Variants in XKR9 observed in about 807,000 individuals in gnomAD.
XKR9 encodes XK-related protein 9.
XKR9 carries 32 observed loss-of-function variants against 32.0 expected under a neutral mutation model. The observed-to-expected ratio is 1.00, with a 90% CI of 0.76 to 1.34. XKR9 has a LOEUF of 1.34. Among genes scored for constraint, XKR9 ranks in the 40% most tolerant of loss-of-function variants. The pLI is 0.00. For synonymous variants in XKR9, 168 were observed against 143.4 expected, an observed-to-expected ratio of 1.17 and a Z score of -1.22; for missense variants, 546 against 429.7, an observed-to-expected ratio of 1.27 and a Z score of -2.39.
chr8:70,745,421 C>A (rs1586880042), intron 2 of XKR9, among the ~76,000 whole-genome samples: 1 of 152,004 alleles, frequency 6.6e-6, no homozygotes, highest in Non-Finnish European at 1.5e-5. Context: ...TCATATGCAC[C>A]TATATACATT....
At position 70,734,223 on chromosome 8, in the gene XKR9, T is replaced by C. The variant is rs1410378748; in HGVS notation, c.921T>C (p.Val307=). 5 of 1,613,276 alleles carry C rather than the reference T, an allele frequency of 3.1e-6. No homozygotes were observed. The highest frequency in any genetic ancestry group is 4.2e-6 in the Non-Finnish European group (5 of 1,179,564). The change falls in exon 5 of 5, where the codon GTT becomes GTC. Residue 307 remains valine (V), a synonymous_variant. Coordinates refer to ENST00000408926, the MANE Select transcript of XKR9 (RefSeq NM_001011720.2). ...GTLGILTVFW[V]CPLTIFNPDY... ...TGGGGATATTGACTGTATTCTGGGT[T>C]TGCCCCCTCACTATTTTTAATCCAG...
At chr8:70,689,067 GA>G (rs1428468610) in intron 3 of XKR9, among the ~76,000 whole-genome samples, 3 of 151,802 alleles carry the variant, frequency 2.0e-5, no homozygotes, top group Non-Finnish European at 2.9e-5. Flanking sequence ...GCATAACAAA[GA>G]AAAACAACAT....
rs754900467 is a variant in XKR9 at position 70,733,971 on chromosome 8, A to G, written c.669A>G (p.Leu223=). 4 of 1,612,516 alleles carry G rather than the reference A, an allele frequency of 2.5e-6. No homozygotes were observed. The highest frequency in any genetic ancestry group is 3.4e-6 in the Non-Finnish European group (4 of 1,179,582). Residue 223 remains leucine (L), a synonymous_variant, in exon 5 of 5, where the codon CTA becomes CTG. Transcript: ENST00000408926. ...CGTGGATGCTGAGTGTTGTACTTCT[A>G]CTATTCTTAAATGTTAAGATTGCTT... The part of the protein sequence containing the change: ...LLSWMLSVVL[L]LFLNVKIALF...
chr8:70,961,852 T>C, the XKR9 span, among the ~76,000 whole-genome samples: 3 of 152,160 alleles, frequency 2.0e-5, no homozygotes, highest in East Asian at 5.8e-4. Flanking sequence ...TAAACTTTGG[T>C]GAACAGGCAA....
At chr8:70,900,889 A>G in the XKR9 span, among the ~76,000 whole-genome samples, 164 of 152,076 alleles carry the variant, frequency 1.1e-3, no homozygotes, top group African/African-American at 3.7e-3. Flanking sequence ...ATTCCCACCT[A>G]TGAGTGAGAA....
At chr8:70,879,012 C>T in the XKR9 span, among the ~76,000 whole-genome samples, 10 of 152,206 alleles carry the variant, frequency 6.6e-5, no homozygotes, top group East Asian at 3.9e-4. Context: ...CACTCAAAAC[C>T]GCATAACTAC....
the XKR9 span, among the ~76,000 whole-genome samples, chr8:70,814,342 A>G: frequency 6.6e-6 from 1 of 152,150 alleles, no homozygotes; most frequent in Non-Finnish European, 1.5e-5. Flanking sequence ...ACCTAATGCT[A>G]AATGATGAGT....
intron 2 of XKR9, among the ~76,000 whole-genome samples, chr8:70,752,486 T>C (rs1807156296): frequency 6.6e-6 from 1 of 152,116 alleles, no homozygotes; most frequent in Non-Finnish European, 1.5e-5. Flanking sequence ...AGAGGCAGCC[T>C]CACTTTACAG....
At chr8:71,008,957 C>T in the XKR9 span, among the ~76,000 whole-genome samples, 1 of 152,224 alleles carries the variant, frequency 6.6e-6, no homozygotes, top group Non-Finnish European at 1.5e-5. Context: ...GTGTGTGCCA[C>T]TGCACCAGGC....
chr8:70,838,877 T>C, the XKR9 span, among the ~76,000 whole-genome samples: 1 of 152,108 alleles, frequency 6.6e-6, no homozygotes, highest in Non-Finnish European at 1.5e-5. Context: ...TTATGAGACA[T>C]TTTCAAGTCC....
chr8:70,904,817 T>A, the XKR9 span, among the ~76,000 whole-genome samples: 1 of 152,192 alleles, frequency 6.6e-6, no homozygotes, highest in Non-Finnish European at 1.5e-5. Context: ...GCAGGCCTGG[T>A]GGTGACAAAA....
At chr8:70,823,629 C>T in the XKR9 span, among the ~76,000 whole-genome samples, 6 of 152,136 alleles carry the variant, frequency 3.9e-5, no homozygotes, top group Admixed American at 3.9e-4. Context: ...GCAGGAGATT[C>T]GAACTTTTGG....
At chr8:70,811,811 C>G in the XKR9 span, among the ~76,000 whole-genome samples, 1 of 151,852 alleles carries the variant, frequency 6.6e-6, no homozygotes, top group African/African-American at 2.4e-5. Flanking sequence ...AGCTTACCAA[C>G]CAAAAAGAGT....
chr8:70,953,589 G>A, the XKR9 span, among the ~76,000 whole-genome samples: 7 of 152,042 alleles, frequency 4.6e-5, no homozygotes, highest in East Asian at 1.9e-4. Context: ...TGGGATTATC[G>A]GTGTGAGCCA....
the XKR9 span, among the ~76,000 whole-genome samples, chr8:70,799,320 G>A: frequency 1.3e-5 from 2 of 151,972 alleles, no homozygotes; most frequent in Non-Finnish European, 2.9e-5. Flanking sequence ...TATTGTGAAT[G>A]AGATTGCATT....
chr8:70,832,692 C>T, the XKR9 span, among the ~76,000 whole-genome samples: 3 of 152,012 alleles, frequency 2.0e-5, no homozygotes, highest in Admixed American at 2.0e-4. Context: ...TCAAAACAAC[C>T]CTGCCAGTAA....
chr8:70,978,686 C>G, the XKR9 span, among the ~76,000 whole-genome samples: 2 of 152,126 alleles, frequency 1.3e-5, no homozygotes, highest in African/African-American at 4.8e-5. Flanking sequence ...TTCATTTCAA[C>G]CTTGGTGAAT....
intron 2 of XKR9, among the ~76,000 whole-genome samples, chr8:70,745,423 A>G (rs559340562): frequency 3.5e-4 from 54 of 152,326 alleles, no homozygotes; most frequent in Admixed American, 7.8e-4. Flanking sequence ...ATATGCACCT[A>G]TATACATTCA....
chr8:70,969,446 A>G, the XKR9 span, among the ~76,000 whole-genome samples: 1 of 152,224 alleles, frequency 6.6e-6, no homozygotes, highest in East Asian at 1.9e-4. Context: ...ATTCAGACCA[A>G]CAAGCCATGG....
Sources: gnomAD v4.1 joint callset for allele counts (sites outside exome capture counted in the v4.1 genomes callset) on GRCh38, gnomAD v4.1.1 for gene constraint, MANE v1.5 for transcripts, NCBI Gene and HGNC (gene_info 2026-07-23, HGNC 2026-07-21) for gene names.